Variants in PCDH15 observed in about 807,000 individuals in gnomAD.
PCDH15 encodes protocadherin-15.
PCDH15 carries 129 observed loss-of-function variants against 178.5 expected under a neutral mutation model. The ratio of observed to expected loss-of-function variants is 0.72; its 90% CI spans 0.63 to 0.84. PCDH15 has a LOEUF of 0.84. Among genes scored for constraint, PCDH15 ranks in the 40% least tolerant of loss-of-function variants. PCDH15 has a pLI of 0.00. For synonymous variants in PCDH15, 800 were observed against 732.0 expected (o/e 1.09, Z -1.50); for missense variants, 2,230 against 2,099.9 (o/e 1.06, Z -1.21).
chr10:55,516,678 A>G (rs1841020040), intron 2 of PCDH15, among the ~76,000 whole-genome samples: 1 of 152,174 alleles, frequency 6.6e-6, no homozygotes, highest in South Asian at 2.1e-4. Context: ...ATTGGCGAGA[A>G]GAAGGATCAT....
chr10:53,995,398 A>T, intron 21 of PCDH15: 1 of 542,932 alleles, frequency 1.8e-6, no homozygotes, highest in Non-Finnish European at 3.2e-6. Flanking sequence ...TATCATTGTT[A>T]GATAAATTAG....
intron 18 of PCDH15, among the ~76,000 whole-genome samples, chr10:54,024,391 G>A (rs959762279): frequency 6.6e-6 from 1 of 152,070 alleles, no homozygotes; most frequent in Non-Finnish European, 1.5e-5. Context: ...AAAATCACTC[G>A]AGGTCCATAA....
intron 13 of PCDH15, 65 bp from the exon 14 acceptor site, chr10:54,153,358 T>G: frequency 6.4e-7 from 1 of 1,555,292 alleles, no homozygotes; most frequent in Admixed American, 1.7e-5. Flanking sequence ...TGTCGTTTTT[T>G]CCCCCAACAA....
intron 1 of PCDH15, among the ~76,000 whole-genome samples, chr10:54,690,811 T>C (rs771206975): frequency 5.9e-5 from 9 of 152,112 alleles, no homozygotes; most frequent in Non-Finnish European, 1.2e-4. Context: ...AAACTGTTTA[T>C]TATCTCAGTG....
In PCDH15 at chr10:55,551,432, A is replaced by C. The variant is rs866635612; in HGVS notation, c.-156+76193T>G. Reference sequence around the variant, plus strand: ...TATAGAATCCATTACAATATTCTTCAATAGCAGGAAAGTATAAATAATCTT... The same window carrying C: ...TATAGAATCCATTACAATATTCTTCCATAGCAGGAAAGTATAAATAATCTT... On this transcript the variant is annotated intron_variant, in intron 2 of 5. Transcript: ENST00000613346. Among the ~76,000 whole-genome samples, 62 of 151,894 alleles carry C rather than the reference A, an allele frequency of 4.1e-4. 1 individual carries two copies. Among genetic ancestry groups the C allele is most frequent in the Non-Finnish European group, 2.2e-4 (15 of 67,830 alleles).
intron 2 of PCDH15, among the ~76,000 whole-genome samples, chr10:55,490,629 G>A (rs1421274584): frequency 4.6e-5 from 7 of 151,676 alleles, no homozygotes; most frequent in African/African-American, 1.2e-4. Context: ...GCTAAAAAAC[G>A]TACATTGAAA....
At chr10:54,150,916 C>T (rs1271905612) in intron 14 of PCDH15, among the ~76,000 whole-genome samples, 1 of 151,042 alleles carries the variant, frequency 6.6e-6, no homozygotes, top group Non-Finnish European at 1.5e-5. Context: ...AAAATTATGT[C>T]CTAATAGAAT....
chr10:54,856,414 G>A (rs1351676030), intron 3 of PCDH15, among the ~76,000 whole-genome samples: 1 of 152,218 alleles, frequency 6.6e-6, no homozygotes, highest in Non-Finnish European at 1.5e-5. Flanking sequence ...GATAGTCTGT[G>A]TAGAATGTAA....
chr10:55,491,924 A>G (rs1840427834), intron 2 of PCDH15, among the ~76,000 whole-genome samples: 1 of 151,592 alleles, frequency 6.6e-6, no homozygotes, highest in African/African-American at 2.4e-5. Flanking sequence ...GGGCAATCAG[A>G]ACAGAATGCA....
intron 1 of PCDH15, among the ~76,000 whole-genome samples, chr10:54,689,529 T>G (rs923095613): frequency 2.0e-5 from 3 of 152,206 alleles, no homozygotes; most frequent in Non-Finnish European, 4.4e-5. Context: ...AAAAGCACTG[T>G]GCAAAAGTCA....
chr10:55,446,199 G>GC (rs1157295181), intron 2 of PCDH15, among the ~76,000 whole-genome samples: 89 of 149,126 alleles, frequency 6.0e-4, no homozygotes, highest in African/African-American at 2.1e-3. Context: ...ACACTCACAC[G>GC]AACACACACA....
At chr10:54,277,645 C>G (rs1158998147) in intron 8 of PCDH15, among the ~76,000 whole-genome samples, 1 of 151,550 alleles carries the variant, frequency 6.6e-6, no homozygotes, top group Non-Finnish European at 1.5e-5. Context: ...CTGTGTTTTA[C>G]CTGGCAATCC....
intron 32 of PCDH15, chr10:53,821,065 G>A (rs1404256407): frequency 1.0e-6 from 1 of 953,672 alleles, no homozygotes; most frequent in Non-Finnish European, 1.2e-6. Context: ...CACTTTTTAA[G>A]CATCTGTTGG....
intron 2 of PCDH15, among the ~76,000 whole-genome samples, chr10:55,055,613 G>T (rs941605934): frequency 6.6e-6 from 1 of 152,050 alleles, no homozygotes; most frequent in Admixed American, 6.6e-5. Context: ...GACCAATCTG[G>T]ACAACATGTT....
intron 1 of PCDH15, among the ~76,000 whole-genome samples, chr10:54,732,841 C>G (rs950560285): frequency 6.6e-6 from 1 of 151,392 alleles, no homozygotes; most frequent in African/African-American, 2.4e-5. Context: ...ACATCACAGT[C>G]AGGTGGAGCA....
chr10:54,621,484 T>C (rs993729492), intron 2 of PCDH15, among the ~76,000 whole-genome samples: 13 of 152,012 alleles, frequency 8.6e-5, no homozygotes, highest in Admixed American at 6.6e-5. Context: ...TTCTGAATTG[T>C]CTTACCCTCT....
chr10:54,774,806 G>A (rs1949512800), intron 1 of PCDH15, among the ~76,000 whole-genome samples: 1 of 151,882 alleles, frequency 6.6e-6, no homozygotes. Context: ...TCATTATTAG[G>A]GGCTTACTAC....
rs2082319435 is a variant in PCDH15 at position 54,517,170 on chromosome 10, A to C, written c.157+10642T>G. ...GCATGAACTAACGAGCAAAATAACC[A>C]GCTAACATCATAATGACATGATCAA... is the stretch of plus-strand genomic sequence containing the variant. On this transcript the variant is annotated intron_variant, in intron 3 of 37. Coordinates refer to ENST00000644397, the MANE Select transcript of PCDH15 (RefSeq NM_001384140.1). Among the ~76,000 whole-genome samples, 3 of 152,328 alleles carry C rather than the reference A, an allele frequency of 2.0e-5. No individual in the cohort carries two copies. In the South Asian group the frequency reaches 6.2e-4, roughly 32 times the overall value.
intron 21 of PCDH15, among the ~76,000 whole-genome samples, chr10:53,988,110 G>A (rs1203909161): frequency 1.3e-5 from 2 of 152,044 alleles, no homozygotes; most frequent in East Asian, 3.9e-4. Context: ...CATCATCCCC[G>A]CGTCAGATCA....
Sources: gnomAD v4.1 joint callset for allele counts (sites outside exome capture counted in the v4.1 genomes callset) on GRCh38, gnomAD v4.1.1 for gene constraint, MANE v1.5 for transcripts, NCBI Gene and HGNC (gene_info 2026-07-23, HGNC 2026-07-21) for gene names.